The following CNTN6 variants were observed in gnomAD, a reference collection of about 807,000 sequenced individuals.
The protein encoded by CNTN6 is contactin 6.
Under a neutral mutation model 122.8 loss-of-function variants are expected in CNTN6, and 137 were observed. The observed-to-expected ratio is 1.12, with a 90% CI of 0.97 to 1.29. CNTN6 has a LOEUF of 1.29. Among genes scored for constraint, CNTN6 ranks in the 50% most tolerant of loss-of-function variants. The pLI is 0.00. For missense variants in CNTN6, 1,634 were observed against 1,223.4 expected, an observed-to-expected ratio of 1.34 and a Z score of -5.01; for synonymous variants, 570 against 426.0, an observed-to-expected ratio of 1.34 and a Z score of -4.16.
At chr3:1,299,389 A>T (rs1049107086) in intron 7 of CNTN6, among the ~76,000 whole-genome samples, 2 of 152,168 alleles carry the variant, frequency 1.3e-5, no homozygotes, top group South Asian at 4.1e-4. Flanking sequence ...GAATATTAAT[A>T]GCTTATTTAA....
chr3:1,383,490 T>C, intron 19 of CNTN6, 82 bp downstream of exon 19: 1 of 994,492 alleles, frequency 1.0e-6, no homozygotes, highest in Non-Finnish European at 1.6e-6. Context: ...CCTATCCTAC[T>C]AGCCTGTTGT....
Position 1,337,052 on chromosome 3 carries a change from T to G in CNTN6, c.1364+7117T>G, listed in dbSNP as rs114446528. Among the ~76,000 whole-genome samples, 10 of 152,254 alleles carry G rather than the reference T, an allele frequency of 6.6e-5. No individual in the cohort carries two copies. In the East Asian group the frequency reaches 1.9e-3, roughly 30 times the overall value. The stretch of plus-strand genomic sequence containing the variant: ...ATCTTTCTTTTCTTCATGGGTAAAA[T>G]GGTCCCCTTGGGAAGACCTGTTTGA... On this transcript the variant is annotated intron_variant, in intron 11 of 22. Transcript: ENST00000446702.
rs1274523882 is a variant in CNTN6, at chr3:1,143,732, G to C, written c.-82-4195G>C. Among the ~76,000 whole-genome samples the C allele has an allele frequency of 2.6e-5, 4 of 152,212 alleles. No individual in the cohort carries two copies. The East Asian group carries it at 7.7e-4, about 29-fold the overall frequency. On this transcript the variant is annotated intron_variant, in intron 1 of 22. Coordinates refer to ENST00000446702, the MANE Select transcript of CNTN6 (RefSeq NM_001289080.2). ...TAAATATTAGCTATTTAGGCTAGCAGTATAGAGGAATGCCAAATAAAACAT... is the reference window on the plus strand; with the variant it reads ...TAAATATTAGCTATTTAGGCTAGCACTATAGAGGAATGCCAAATAAAACAT...
At chr3:1,137,309 G>A (rs1305157961) in intron 1 of CNTN6, among the ~76,000 whole-genome samples, 1 of 152,284 alleles carries the variant, frequency 6.6e-6, no homozygotes, top group East Asian at 1.9e-4. Context: ...CCTTTTTGTT[G>A]TACTTTTACC....
At position 1,383,037 on chromosome 3, in the gene CNTN6, A is replaced by G; in HGVS notation, c.2262A>G (p.Ser754=). 1 of 1,614,040 alleles carries G rather than the reference A, an allele frequency of 6.2e-7. No individual in the cohort carries two copies. Among genetic ancestry groups the G allele is most frequent in the Non-Finnish European group, 8.5e-7 (1 of 1,179,916 alleles). The change falls in exon 18 of 23, where the codon TCA becomes TCG. Residue 754 remains serine (S), a synonymous_variant. Coordinates refer to ENST00000446702, the MANE Select transcript of CNTN6 (RefSeq NM_001289080.2). ...CAACCTGGTCCAAGGAGAAAGTGTCATCTGTGGAATCATCAAGGTTTGTCT... is the reference window on the plus strand; with the variant it reads ...CAACCTGGTCCAAGGAGAAAGTGTCGTCTGTGGAATCATCAAGGTTTGTCT... ...GSTTWSKEKV[S]SVESSRFVYR...
rs117817096 is a variant in CNTN6 at position 1,177,816 on chromosome 3, T to C, written c.55+29753T>C. Among the ~76,000 whole-genome samples, 497 of 152,090 alleles carry C rather than the reference T, an allele frequency of 3.3e-3. 6 individuals are homozygous for C. The highest frequency in any genetic ancestry group is 0.014 in the East Asian group (72 of 5,168). On this transcript the variant is annotated intron_variant, in intron 2 of 22. Transcript: ENST00000446702. Reference sequence around the variant, plus strand: ...TTTTCTTTATTGGTAAGATTTTCTGTATGTCTTGATACTTCTATTTGAATA... The same window carrying C: ...TTTTCTTTATTGGTAAGATTTTCTGCATGTCTTGATACTTCTATTTGAATA...
At chr3:1,387,492 T>G (rs1473448805) in intron 20 of CNTN6, among the ~76,000 whole-genome samples, 1 of 152,212 alleles carries the variant, frequency 6.6e-6, no homozygotes, top group East Asian at 1.9e-4. Context: ...ATCAGCAGTT[T>G]TCAGATTACC....
chr3:1,356,091 A>G (rs558878463), intron 12 of CNTN6, among the ~76,000 whole-genome samples: 1 of 151,918 alleles, frequency 6.6e-6, no homozygotes, highest in African/African-American at 2.4e-5. Flanking sequence ...ACGTGTTTTC[A>G]TTTTGGAGGA....
intron 14 of CNTN6, 137 bp from the exon 15 acceptor site, chr3:1,373,467 C>T (rs561458218): frequency 5.0e-5 from 35 of 704,908 alleles, no homozygotes; most frequent in East Asian, 4.1e-4. Flanking sequence ...AGAACTTTAT[C>T]GCTAATAATG....
intron 2 of CNTN6, among the ~76,000 whole-genome samples, chr3:1,171,166 T>C (rs2125295497): frequency 6.6e-6 from 1 of 152,292 alleles, no homozygotes; most frequent in Non-Finnish European, 1.5e-5. Flanking sequence ...TGTCTACTTC[T>C]TAATGCTATG....
chr3:1,284,432 C>G (rs1276962915), intron 5 of CNTN6, among the ~76,000 whole-genome samples: 2 of 152,108 alleles, frequency 1.3e-5, no homozygotes, highest in African/African-American at 4.8e-5. Flanking sequence ...TACTCTGAGG[C>G]TCTCTGAAAG....
At chr3:1,232,386 T>G (rs1203137101) in intron 4 of CNTN6, among the ~76,000 whole-genome samples, 1 of 152,064 alleles carries the variant, frequency 6.6e-6, no homozygotes, top group Non-Finnish European at 1.5e-5. Flanking sequence ...TCCTAAAGAT[T>G]AAATGGTAGA....
intron 7 of CNTN6, among the ~76,000 whole-genome samples, chr3:1,304,259 C>T (rs1224413502): frequency 2.0e-5 from 3 of 150,096 alleles, no homozygotes; most frequent in Non-Finnish European, 4.4e-5. Context: ...TTTTGTGTTG[C>T]CAATTGTTCA....
chr3:1,133,471 A>C (rs1370973364), intron 1 of CNTN6, among the ~76,000 whole-genome samples: 1 of 152,160 alleles, frequency 6.6e-6, no homozygotes, highest in Admixed American at 6.6e-5. Flanking sequence ...TATTAGCCCC[A>C]TTTTACTGAT....
chr3:1,153,148 T>C (rs965873064), intron 2 of CNTN6, among the ~76,000 whole-genome samples: 1 of 152,240 alleles, frequency 6.6e-6, no homozygotes, highest in Non-Finnish European at 1.5e-5. Flanking sequence ...AATTACGGAC[T>C]GAATACCTAT....
At chr3:1,269,523 G>A (rs573117364) in intron 4 of CNTN6, among the ~76,000 whole-genome samples, 12 of 152,242 alleles carry the variant, frequency 7.9e-5, no homozygotes, top group South Asian at 2.1e-4. Flanking sequence ...AGTAAGAAGC[G>A]AGTTTGAGTC....
At chr3:1,181,808 A>G (rs1030182671) in intron 2 of CNTN6, among the ~76,000 whole-genome samples, 1 of 152,128 alleles carries the variant, frequency 6.6e-6, no homozygotes, top group Admixed American at 6.6e-5. Flanking sequence ...AGTCAGGCTG[A>G]TTCTTTATAA....
chr3:1,402,237 G>C (rs1695809424), intron 21 of CNTN6, 81 bp from the exon 22 acceptor site: 3 of 1,084,176 alleles, frequency 2.8e-6, no homozygotes, highest in East Asian at 4.8e-5. Flanking sequence ...TGTATCTTAT[G>C]TCTTACAGTG....
intron 4 of CNTN6, among the ~76,000 whole-genome samples, 155 bp from the exon 5 acceptor site, chr3:1,278,258 A>G (rs1692773373): frequency 6.6e-6 from 1 of 152,234 alleles, no homozygotes; most frequent in Admixed American, 6.5e-5. Flanking sequence ...CAAGATAATA[A>G]TAAGTGCAGT....
Sources: gnomAD v4.1 joint callset for allele counts (sites outside exome capture counted in the v4.1 genomes callset) on GRCh38, gnomAD v4.1.1 for gene constraint, MANE v1.5 for transcripts, NCBI Gene and HGNC (gene_info 2026-07-23, HGNC 2026-07-21) for gene names.